RARB: variants seen among roughly 807,000 people sequenced by gnomAD.
RARB encodes the protein retinoic acid receptor beta.
In RARB, 17 loss-of-function variants were observed where a neutral mutation model predicts 51.9. That is an observed-to-expected ratio of 0.33 (90% CI 0.22 to 0.49). The LOEUF (loss-of-function observed/expected upper bound fraction) is 0.49, where lower values mean the gene tolerates loss of function less well. Among genes scored for constraint, RARB ranks in the 20% least tolerant of loss-of-function variants. The pLI, the probability that RARB is intolerant of heterozygous loss-of-function variation, is 0.99. For missense variants in RARB, 369 were observed against 550.8 expected (o/e 0.67, Z 3.30); for synonymous variants, 215 against 195.4 (o/e 1.10, Z -0.84).
chr3:25,377,412 A>G (rs11920968), intron 5 of RARB, among the ~76,000 whole-genome samples: 1,695 of 152,326 alleles, frequency 0.011, 33 homozygotes, highest in African/African-American at 0.039. Flanking sequence ...TCCTAATGCA[A>G]TGGCAGCATT....
intron 5 of RARB, among the ~76,000 whole-genome samples, chr3:25,226,865 C>G (rs539187354): frequency 6.6e-6 from 1 of 152,180 alleles, no homozygotes; most frequent in Non-Finnish European, 1.5e-5. Flanking sequence ...CATAATTGAA[C>G]CTCAGGAAGA....
intron 5 of RARB, among the ~76,000 whole-genome samples, chr3:25,409,591 A>C (rs1444230813): frequency 6.6e-6 from 1 of 152,170 alleles, no homozygotes; most frequent in Non-Finnish European, 1.5e-5. Flanking sequence ...AATACATTTA[A>C]TGTGGGACTG....
intron 3 of RARB, among the ~76,000 whole-genome samples, chr3:25,514,114 A>G (rs576624188): frequency 6.6e-6 from 1 of 152,298 alleles, no homozygotes; most frequent in South Asian, 2.1e-4. Flanking sequence ...GGAGCAATGA[A>G]CATGGCCCTT....
intron 2 of RARB, among the ~76,000 whole-genome samples, chr3:24,912,387 A>C (rs1575068039): frequency 6.6e-6 from 1 of 152,188 alleles, no homozygotes; most frequent in African/African-American, 2.4e-5. Context: ...AATACATGTA[A>C]TATACTTAAT....
At chr3:24,960,293 A>C (rs1344924246) in intron 2 of RARB, among the ~76,000 whole-genome samples, 1 of 109,892 alleles carries the variant, frequency 9.1e-6, no homozygotes. Context: ...GGTGTATTCT[A>C]TGAATATATG....
intron 2 of RARB, among the ~76,000 whole-genome samples, chr3:25,021,714 T>G (rs1697642475): frequency 6.6e-6 from 1 of 152,172 alleles, no homozygotes; most frequent in Non-Finnish European, 1.5e-5. Context: ...TCAAATTTTT[T>G]TTTTAAATTC....
chr3:25,240,420 A>C (rs1702403359), intron 5 of RARB, among the ~76,000 whole-genome samples: 1 of 152,094 alleles, frequency 6.6e-6, no homozygotes, highest in Admixed American at 6.6e-5. Context: ...CTTTTAGAAA[A>C]GGCTTTCAAC....
At chr3:25,028,482 C>A (rs551760670) in intron 2 of RARB, among the ~76,000 whole-genome samples, 1 of 152,170 alleles carries the variant, frequency 6.6e-6, no homozygotes, top group African/African-American at 2.4e-5. Context: ...GAGGCAGAGT[C>A]GTTGCCAATA....
At chr3:24,871,139 GTCT>G (rs1328405012) in intron 2 of RARB, among the ~76,000 whole-genome samples, 1 of 152,024 alleles carries the variant, frequency 6.6e-6, no homozygotes, top group Non-Finnish European at 1.5e-5. Context: ...GACCAACCTT[GTCT>G]TCTTTATAAT....
chr3:25,276,112 A>T (rs1225262942), intron 5 of RARB, among the ~76,000 whole-genome samples: 1 of 152,248 alleles, frequency 6.6e-6, no homozygotes, highest in African/African-American at 2.4e-5. Flanking sequence ...TAGTGTAAGA[A>T]TTAAATGAGG....
intron 2 of RARB, among the ~76,000 whole-genome samples, chr3:24,922,568 G>T (rs1234659286): frequency 6.6e-6 from 1 of 152,182 alleles, no homozygotes; most frequent in Non-Finnish European, 1.5e-5. Context: ...CACACAGCCT[G>T]AAAGAGCTGG....
intron 2 of RARB, among the ~76,000 whole-genome samples, chr3:25,465,529 A>T (rs1695387640): frequency 6.6e-6 from 1 of 152,226 alleles, no homozygotes; most frequent in African/African-American, 2.4e-5. Context: ...TTTGGGGAAG[A>T]GAACTTTCCA....
intron 5 of RARB, among the ~76,000 whole-genome samples, chr3:25,251,784 G>A (rs1043642663): frequency 7.3e-5 from 11 of 149,696 alleles, no homozygotes; most frequent in South Asian, 2.3e-4. Flanking sequence ...CGTATGATTC[G>A]CAAATACTTC....
At chr3:25,206,424 A>G (rs1465364457) in intron 5 of RARB, among the ~76,000 whole-genome samples, 1 of 152,200 alleles carries the variant, frequency 6.6e-6, no homozygotes. Flanking sequence ...CTACTGCTTT[A>G]CACTGAGGAT....
chr3:25,492,024 A>T (rs940804678), intron 2 of RARB, among the ~76,000 whole-genome samples: 2 of 152,200 alleles, frequency 1.3e-5, no homozygotes, highest in East Asian at 1.9e-4. Context: ...GCCCTTCTAG[A>T]TGCAAGGCCC....
intron 5 of RARB, among the ~76,000 whole-genome samples, chr3:25,383,185 G>A (rs561416003): frequency 2.0e-5 from 3 of 152,272 alleles, no homozygotes; most frequent in South Asian, 2.1e-4. Context: ...ACTGAGGTTC[G>A]GAGAGATTGT....
At chr3:25,373,529 G>T (rs1287813150) in intron 5 of RARB, among the ~76,000 whole-genome samples, 2 of 152,158 alleles carry the variant, frequency 1.3e-5, no homozygotes, top group East Asian at 3.9e-4. Context: ...TCTTATTAGT[G>T]TTGAGAGATT....
At position 25,205,807 on chromosome 3, in the gene RARB, A is replaced by T. The variant is rs114583019; in HGVS notation, c.178+31232A>T. On this transcript the variant is annotated intron_variant, in intron 5 of 11. Coordinates refer to the RARB transcript ENST00000383772. ...GCCCTAGCTGGAGTGCAGTGGTGCA[A>T]TTATGGCTCACTGCAGCCTCAACCT... is the stretch of plus-strand genomic sequence containing the variant. Among the ~76,000 whole-genome samples, 995 of 152,078 alleles carry T rather than the reference A, an allele frequency of 6.5e-3. 7 individuals are homozygous for T. Among genetic ancestry groups the T allele is most frequent in the African/African-American group, 0.022 (893 of 41,498 alleles).
chr3:24,835,095 G>C (rs1453474466), intron 1 of RARB, among the ~76,000 whole-genome samples: 1 of 152,098 alleles, frequency 6.6e-6, no homozygotes, highest in Non-Finnish European at 1.5e-5. Flanking sequence ...AAATATATGT[G>C]TGAGTTTTGC....
Sources: allele counts gnomAD v4.1 joint callset (sites outside exome capture counted in the v4.1 genomes callset), GRCh38; gene constraint gnomAD v4.1.1; transcripts MANE v1.5; gene names NCBI Gene and HGNC (gene_info 2026-07-23, HGNC 2026-07-21).